RAB2A: variants seen among roughly 807,000 people sequenced by gnomAD.
RAB2A encodes ras-related protein Rab-2A.
In RAB2A, 7 loss-of-function variants were observed where a neutral mutation model predicts 32.5. That is an observed-to-expected ratio of 0.22 (90% CI 0.12 to 0.40). The LOEUF is 0.40. Among genes scored for constraint, RAB2A ranks in the 10% least tolerant of loss-of-function variants. The probability of loss-of-function intolerance (pLI) is 1.00; values close to 1 mark genes in which losing one functional copy is unlikely to be tolerated. For synonymous variants in RAB2A, 79 were observed against 85.2 expected, an observed-to-expected ratio of 0.93 and a Z score of 0.40; for missense variants, 108 against 260.7, an observed-to-expected ratio of 0.41 and a Z score of 4.03.
chr8:60,607,695 T>C (rs1416711938), intron 6 of RAB2A, among the ~76,000 whole-genome samples: 1 of 152,162 alleles, frequency 6.6e-6, no homozygotes, highest in Non-Finnish European at 1.5e-5. Context: ...AGCTTGCATT[T>C]GTAACCAGTC....
chr8:60,565,701 T>A (rs1171844086), intron 2 of RAB2A, among the ~76,000 whole-genome samples: 2,980 of 41,668 alleles, frequency 0.072, 500 homozygotes, highest in African/African-American at 0.28. Context: ...TTTTTTTTTT[T>A]TTTTTTTTTT....
At position 60,618,554 on chromosome 8, in the gene RAB2A, TATG is replaced by T. The variant is rs1361553514; in HGVS notation, c.475-24_475-22del. Reference sequence around the variant, plus strand: ...ATTTTACTGCTTTGGTTTTATATAATATGAACCAATTTCTCTATATTTCAGGCA... The same window carrying T: ...ATTTTACTGCTTTGGTTTTATATAATAACCAATTTCTCTATATTTCAGGCA... On this transcript the variant is annotated intron_variant, in intron 6 of 7. Coordinates refer to ENST00000262646, the MANE Select transcript of RAB2A (RefSeq NM_002865.3). 3.5e-6 allele frequency: 4 copies of T among 1,139,734 alleles called. No individual in the cohort carries two copies. In the African/African-American group the frequency reaches 4.9e-5, roughly 14 times the overall value. The allele number at this position is 1,139,734 out of a possible 1,614,324, so 70.6% of individuals were successfully genotyped here. A position where few individuals can be genotyped will look rare whatever the true frequency, so the allele number is the denominator to read the frequency against.
intron 2 of RAB2A, 145 bp from the exon 3 acceptor site, chr8:60,571,901 C>T (rs573655123): frequency 2.1e-6 from 1 of 466,044 alleles, no homozygotes; most frequent in Admixed American, 3.9e-5. Context: ...TATGTATTTT[C>T]TAAGTATAGG....
At chr8:60,562,400 G>A (rs1808038072) in intron 2 of RAB2A, among the ~76,000 whole-genome samples, 1 of 152,168 alleles carries the variant, frequency 6.6e-6, no homozygotes, top group Admixed American at 6.5e-5. Flanking sequence ...TACCTGCTGT[G>A]TGTTAAGGGA....
At chr8:60,554,971 A>G (rs550954371) in intron 1 of RAB2A, among the ~76,000 whole-genome samples, 1 of 152,364 alleles carries the variant, frequency 6.6e-6, no homozygotes, top group East Asian at 1.9e-4. Context: ...CAGTATTTTC[A>G]GGGTTATATG....
chr8:60,530,890 C>G (rs1383646047), intron 1 of RAB2A, among the ~76,000 whole-genome samples: 1 of 141,436 alleles, frequency 7.1e-6, no homozygotes, highest in Admixed American at 7.0e-5. Context: ...TATAGGTCAC[C>G]TATTCCTTGC....
At chr8:60,551,904 C>T (rs1220470079) in intron 1 of RAB2A, 1 of 145,462 alleles carries the variant, frequency 6.9e-6, no homozygotes, top group African/African-American at 2.6e-5. Flanking sequence ...TGCTGTGTCG[C>T]CCAGACTGGA....
At chr8:60,523,410 G>C (rs995461482) in intron 1 of RAB2A, among the ~76,000 whole-genome samples, 1 of 151,886 alleles carries the variant, frequency 6.6e-6, no homozygotes, top group African/African-American at 2.4e-5. Flanking sequence ...GCCCGCCTCT[G>C]CCTCCCAAAA....
At chr8:60,517,315 A>G (rs1040618438) in intron 1 of RAB2A, 62 bp downstream of exon 1, 33 of 1,400,958 alleles carry the variant, frequency 2.4e-5, no homozygotes, top group African/African-American at 6.1e-5. Flanking sequence ...CTGAGGGGCA[A>G]ACGGCGTCTG....
At chr8:60,605,818 A>C (rs1368783326) in intron 6 of RAB2A, among the ~76,000 whole-genome samples, 1 of 118,914 alleles carries the variant, frequency 8.4e-6, no homozygotes, top group Non-Finnish European at 1.6e-5. Flanking sequence ...GCTCATAGGC[A>C]AAAGGGACTA....
intron 5 of RAB2A, among the ~76,000 whole-genome samples, chr8:60,586,267 A>G (rs1803844456): frequency 6.6e-6 from 1 of 151,400 alleles, no homozygotes; most frequent in Admixed American, 6.6e-5. Flanking sequence ...ACTGTACTCC[A>G]GCCTGAGCAA....
At chr8:60,580,020 A>G (rs1283371410) in intron 3 of RAB2A, among the ~76,000 whole-genome samples, 1 of 129,654 alleles carries the variant, frequency 7.7e-6, no homozygotes, top group African/African-American at 3.0e-5. Flanking sequence ...TTTTTTTGAG[A>G]CAGTCTCACT....
At chr8:60,608,205 G>A (rs1804268896) in intron 6 of RAB2A, among the ~76,000 whole-genome samples, 3 of 152,088 alleles carry the variant, frequency 2.0e-5, no homozygotes. Context: ...ATAAGTAAAA[G>A]AATAATAAAA....
intron 2 of RAB2A, among the ~76,000 whole-genome samples, chr8:60,565,744 T>A (rs1808102484): frequency 1.8e-5 from 2 of 109,656 alleles, no homozygotes; most frequent in East Asian, 3.4e-4. Context: ...CAAGTCTCGC[T>A]CTGTCACCCA....
At chr8:60,608,921 C>T (rs1360644254) in intron 6 of RAB2A, among the ~76,000 whole-genome samples, 10 of 152,138 alleles carry the variant, frequency 6.6e-5, no homozygotes, top group Non-Finnish European at 1.3e-4. Flanking sequence ...TTGTTTCTGC[C>T]TATTAAATAT....
rs886720223 is a variant in RAB2A at position 60,605,838 on chromosome 8, TAC to T, written c.475-12740_475-12739del. Among the ~76,000 whole-genome samples, 596 of 141,716 alleles carry T rather than the reference TAC, an allele frequency of 4.2e-3. 38 individuals are homozygous for T. Among genetic ancestry groups the T allele is most frequent in the African/African-American group, 0.015 (531 of 34,786 alleles). The allele number at this position is 141,716 out of a possible 152,430, so 93.0% of individuals were successfully genotyped here. A position where few individuals can be genotyped will look rare whatever the true frequency, so the allele number is the denominator to read the frequency against. On this transcript the variant is annotated intron_variant, in intron 6 of 7. Transcript: ENST00000262646. ...TAGGCAAAAGGGACTAATACATATA[TAC>T]ATATATATATATAATGCTTCATTTC...
chr8:60,563,313 A>G (rs564525375), intron 2 of RAB2A, among the ~76,000 whole-genome samples: 2 of 152,368 alleles, frequency 1.3e-5, no homozygotes, highest in South Asian at 4.1e-4. Context: ...TTCAGAAGGT[A>G]CAGACTAGAG....
intron 1 of RAB2A, among the ~76,000 whole-genome samples, chr8:60,528,585 GT>G (rs1314837010): frequency 4.6e-5 from 7 of 151,678 alleles, no homozygotes; most frequent in African/African-American, 1.7e-4. Context: ...GATTCTAATT[GT>G]TTTTTTTCCT....
intron 1 of RAB2A, among the ~76,000 whole-genome samples, chr8:60,523,169 T>C (rs1453523092): frequency 6.6e-6 from 1 of 151,980 alleles, no homozygotes; most frequent in African/African-American, 2.4e-5. Context: ...TTTTCTTTTT[T>C]TTTTTTTCTT....
Sources: allele counts gnomAD v4.1 joint callset (sites outside exome capture counted in the v4.1 genomes callset), GRCh38; gene constraint gnomAD v4.1.1; transcripts MANE v1.5; gene names NCBI Gene and HGNC (gene_info 2026-07-23, HGNC 2026-07-21).